RABGAP1L: variants seen among roughly 807,000 people sequenced by gnomAD.
RABGAP1L encodes the protein rab GTPase-activating protein 1-like.
In RABGAP1L, 63 loss-of-function variants were observed where a neutral mutation model predicts 137.7. The ratio of observed to expected loss-of-function variants is 0.46; its 90% CI spans 0.37 to 0.56. The LOEUF is 0.56. RABGAP1L is among the 20% of genes least tolerant of loss of function. The pLI is 0.00. For missense variants in RABGAP1L, 1,095 were observed against 1,244.0 expected, an observed-to-expected ratio of 0.88 and a Z score of 1.80; for synonymous variants, 431 against 433.7, an observed-to-expected ratio of 0.99 and a Z score of 0.08.
intron 13 of RABGAP1L, among the ~76,000 whole-genome samples, chr1:174,454,978 A>G (rs1655884944): frequency 6.6e-6 from 1 of 152,208 alleles, no homozygotes; most frequent in Non-Finnish European, 1.5e-5. Context: ...TTTCCTACAT[A>G]GGCAGAATTC....
chr1:174,616,855 G>C (rs1671927906), intron 13 of RABGAP1L, among the ~76,000 whole-genome samples: 1 of 152,186 alleles, frequency 6.6e-6, no homozygotes, highest in South Asian at 2.1e-4. Context: ...TAAAAATGCA[G>C]ACTGCCTGGA....
rs1423472667 is a variant in RABGAP1L, at chr1:174,891,679, A to AT, written c.2341-65772dup. 5.0e-4 allele frequency among the ~76,000 whole-genome samples: 76 copies of AT among 152,036 alleles called. 3 individuals are homozygous for AT. Among genetic ancestry groups the AT allele is most frequent in the Middle Eastern group, 3.4e-3 (1 of 294 alleles). On this transcript the variant is annotated intron_variant, in intron 19 of 25. Transcript: ENST00000681986. ...ACCATGCCTGGCTAATTTTTAAAAC[A>AT]TTTTTTGTAGAGATAGGGTCTCGCT...
chr1:174,956,249 T>C (rs766651672), intron 19 of RABGAP1L, among the ~76,000 whole-genome samples: 1 of 152,132 alleles, frequency 6.6e-6, no homozygotes, highest in Non-Finnish European at 1.5e-5. Context: ...TTGCCCAGGC[T>C]GGAGTAAGTG....
intron 13 of RABGAP1L, among the ~76,000 whole-genome samples, chr1:174,394,985 T>C (rs191723454): frequency 7.2e-5 from 11 of 152,026 alleles, no homozygotes; most frequent in Non-Finnish European, 1.3e-4. Context: ...TTTTTTAAAT[T>C]GATGGCCTCT....
At position 174,740,916 on chromosome 1, in the gene RABGAP1L, A is replaced by G. The variant is rs564769359; in HGVS notation, c.2170-11397A>G. On this transcript the variant is annotated intron_variant, in intron 17 of 25. Coordinates refer to ENST00000681986, the MANE Select transcript of RABGAP1L (RefSeq NM_001366446.1). Reference sequence around the variant, plus strand: ...ACTTTGCCCAAGTATGAATGGGATTATTTGTTTTTTTCCTGTTGAGTTGAG... The same window carrying G: ...ACTTTGCCCAAGTATGAATGGGATTGTTTGTTTTTTTCCTGTTGAGTTGAG... Among the ~76,000 whole-genome samples the G allele has an allele frequency of 2.6e-5, 4 of 151,510 alleles. No homozygotes were observed. The South Asian group carries it at 8.3e-4, about 32-fold the overall frequency.
rs906200355 is a variant in RABGAP1L, at chr1:174,206,749, T to G, written c.-33-12376T>G. 2.6e-5 allele frequency among the ~76,000 whole-genome samples: 4 copies of G among 152,292 alleles called. No individual in the cohort carries two copies. In the East Asian group the frequency reaches 7.7e-4, roughly 29 times the overall value. On this transcript the variant is annotated intron_variant, in intron 1 of 25. Transcript: ENST00000681986. ...CACTTTCGAATATGTTACGTTATTT[T>G]GGGAAGAAAATAGCTTTCAGTTAGA...
At chr1:174,830,993 C>T (rs1261371048) in intron 19 of RABGAP1L, among the ~76,000 whole-genome samples, 2 of 147,598 alleles carry the variant, frequency 1.4e-5, no homozygotes, top group Non-Finnish European at 3.0e-5. Context: ...GGAGGAGGCT[C>T]AGAATTGTTT....
intron 13 of RABGAP1L, among the ~76,000 whole-genome samples, chr1:174,625,383 C>T (rs1557919671): frequency 6.6e-6 from 1 of 152,110 alleles, no homozygotes; most frequent in Non-Finnish European, 1.5e-5. Context: ...TACTATTCAG[C>T]AAACAGAAAG....
intron 19 of RABGAP1L, among the ~76,000 whole-genome samples, chr1:174,883,717 A>G (rs768775926): frequency 6.6e-5 from 10 of 152,194 alleles, no homozygotes; most frequent in Non-Finnish European, 1.2e-4. Flanking sequence ...AAGGAAAAAA[A>G]TTGTAAAGGA....
intron 12 of RABGAP1L, among the ~76,000 whole-genome samples, chr1:174,384,432 A>G (rs1230642139): frequency 1.3e-5 from 2 of 152,144 alleles, no homozygotes; most frequent in Non-Finnish European, 2.9e-5. Context: ...TGTGCCTTAA[A>G]TAAATGACAA....
chr1:174,861,310 C>G (rs1650227456), intron 19 of RABGAP1L, among the ~76,000 whole-genome samples: 1 of 152,118 alleles, frequency 6.6e-6, no homozygotes, highest in Non-Finnish European at 1.5e-5. Context: ...TTATGTATAT[C>G]TATAAATGTA....
chr1:174,208,739 T>C (rs939797826), intron 1 of RABGAP1L, among the ~76,000 whole-genome samples: 9 of 152,196 alleles, frequency 5.9e-5, no homozygotes, highest in Non-Finnish European at 1.3e-4. Context: ...TGTTATCTGG[T>C]TTTGGTATTA....
intron 13 of RABGAP1L, among the ~76,000 whole-genome samples, chr1:174,557,196 C>T (rs1666936012): frequency 6.6e-6 from 1 of 152,202 alleles, no homozygotes; most frequent in Admixed American, 6.5e-5. Flanking sequence ...CACTCAAGAT[C>T]AAGCCTGAGA....
intron 11 of RABGAP1L, among the ~76,000 whole-genome samples, chr1:174,308,030 T>C (rs1027117191): frequency 1.3e-5 from 2 of 152,080 alleles, no homozygotes; most frequent in African/African-American, 4.8e-5. Context: ...TGATATCTCA[T>C]TGTAGTTGTG....
intron 13 of RABGAP1L, among the ~76,000 whole-genome samples, chr1:174,554,810 C>A (rs192426174): frequency 2.0e-5 from 3 of 152,068 alleles, no homozygotes; most frequent in Admixed American, 6.6e-5. Context: ...AAATGAAAGT[C>A]ATTTTTAAAT....
chr1:174,541,067 G>C (rs1012258244), intron 13 of RABGAP1L, among the ~76,000 whole-genome samples: 6 of 152,182 alleles, frequency 3.9e-5, no homozygotes, highest in African/African-American at 1.4e-4. Flanking sequence ...TTGTGTATGG[G>C]AGTTCACTCA....
chr1:174,762,919 G>A (rs536394334), intron 18 of RABGAP1L, among the ~76,000 whole-genome samples: 3 of 148,830 alleles, frequency 2.0e-5, no homozygotes, highest in Non-Finnish European at 4.4e-5. Context: ...GGTTTAAGAG[G>A]TTCTCGTGCC....
At chr1:174,784,038 T>G (rs1477468843) in intron 18 of RABGAP1L, among the ~76,000 whole-genome samples, 6 of 88,442 alleles carry the variant, frequency 6.8e-5, no homozygotes, top group East Asian at 4.2e-4. Flanking sequence ...TTTTTTTTTT[T>G]GAGACAGAGT....
chr1:174,242,236 G>GT (rs933905495), intron 5 of RABGAP1L, among the ~76,000 whole-genome samples: 6 of 152,280 alleles, frequency 3.9e-5, no homozygotes, highest in Non-Finnish European at 4.4e-5. Context: ...ATGCTAGTAA[G>GT]TTTTTTTATA....
Sources: gnomAD v4.1 joint callset for allele counts (sites outside exome capture counted in the v4.1 genomes callset) on GRCh38, gnomAD v4.1.1 for gene constraint, MANE v1.5 for transcripts, NCBI Gene and HGNC (gene_info 2026-07-23, HGNC 2026-07-21) for gene names.